CENPF: variants seen among roughly 807,000 people sequenced by gnomAD.
CENPF encodes AH antigen.
In CENPF, 214 loss-of-function variants were observed where a neutral mutation model predicts 307.3. That is an observed-to-expected ratio of 0.70 (90% CI 0.62 to 0.78). The LOEUF (loss-of-function observed/expected upper bound fraction) is 0.78, where lower values mean the gene tolerates loss of function less well. Among genes scored for constraint, CENPF ranks in the 30% least tolerant of loss-of-function variants. CENPF has a pLI of 0.00. For synonymous variants in CENPF, 1,259 were observed against 1,270.6 expected, an observed-to-expected ratio of 0.99 and a Z score of 0.19; for missense variants, 3,401 against 3,483.9, an observed-to-expected ratio of 0.98 and a Z score of 0.60.
intron 10 of CENPF, among the ~76,000 whole-genome samples, chr1:214,633,935 G>T (rs1187206755): frequency 6.6e-6 from 1 of 152,138 alleles, no homozygotes; most frequent in South Asian, 2.1e-4. Context: ...GAACTCTCCC[G>T]CGACTCCACT....
At chr1:214,637,841 T>A in intron 10 of CENPF, 25 bp from the exon 11 acceptor site, 1 of 1,598,714 alleles carries the variant, frequency 6.3e-7, no homozygotes, top group Non-Finnish European at 8.5e-7. Context: ...GTTTTGGCTA[T>A]AACCAATTAA....
At position 214,629,965 on chromosome 1, in the gene CENPF, T is replaced by G. The variant is rs145943603; in HGVS notation, c.1195-569T>G. ...GGTGGAAGGTGCCCTTCCATAAGTA[T>G]CTGCCAATTTGGTTCTTTCAGGTGA... On this transcript the variant is annotated intron_variant, in intron 8 of 19. Transcript: ENST00000366955. 2.9e-3 allele frequency among the ~76,000 whole-genome samples: 435 copies of G among 152,306 alleles called. 7 individuals are homozygous for G. The highest frequency in any genetic ancestry group is 0.015 in the Admixed American group (234 of 15,302).
chr1:214,646,226 T>TA lies in CENPF; in HGVS notation c.6657dup (p.Gln2220ThrfsTer18), dbSNP rs1165829747. 1.2e-6 allele frequency: 2 copies of TA among 1,613,052 alleles called. No homozygotes were observed. The highest frequency in any genetic ancestry group is 1.7e-6 in the Non-Finnish European group (2 of 1,179,858). The stretch of plus-strand genomic sequence containing the variant: ...GAAAAAGAAAATCTGACAAAACAAA[T>TA]ACAAGAAAAACAAGGTCAGTTGTCA... On this transcript the variant is annotated frameshift_variant, in exon 13 of 20. Transcript: ENST00000366955. LOFTEE classifies it high-confidence loss of function.
chr1:214,612,023 T>C (rs1228188077), intron 1 of CENPF, among the ~76,000 whole-genome samples: 3 of 152,182 alleles, frequency 2.0e-5, no homozygotes, highest in African/African-American at 7.2e-5. Context: ...GTATGTTGAA[T>C]AGGAGTAGTG....
At position 214,642,781 on chromosome 1, in the gene CENPF, G is replaced by A. The variant is rs748760710; in HGVS notation, c.4443G>A (p.Val1481=). 2 of 1,613,954 alleles carry A rather than the reference G, an allele frequency of 1.2e-6. No individual in the cohort carries two copies. The highest frequency in any genetic ancestry group is 1.7e-6 in the Non-Finnish European group (2 of 1,179,944). ...TTCCATCCCTGTCATCCTCTTGTGT[G>A]CCTGACAGCTCTAGTCTTAGCAGTT... ...GLVPSLSSSC[V]PDSSSLSSLG... is the part of the protein sequence containing the mutation. The change falls in exon 12 of 20, where the codon GTG becomes GTA. Residue 1481 remains valine, a synonymous_variant. Transcript: ENST00000366955.
In CENPF at chr1:214,652,897, C is replaced by G; in HGVS notation, c.8230C>G (p.Leu2744Val). 1 of 1,607,846 alleles carries G rather than the reference C, an allele frequency of 6.2e-7. No individual in the cohort carries two copies. Among genetic ancestry groups the G allele is most frequent in the Non-Finnish European group, 8.5e-7 (1 of 1,177,292 alleles). The change falls in exon 16 of 20, where the codon CTG (leucine) becomes GTG (valine). Residue 2744 changes from leucine to valine, a missense_variant. Transcript: ENST00000366955. ...AGAAGAATGTCTCAGTTCACAGAAG[C>G]TGGAGATAGACCTTTTAAAGTCTAG... is the stretch of plus-strand genomic sequence containing the variant. ...SKEECLSSQK[L>V]EIDLLKSSKE...
chr1:214,655,825 A>T (rs529476090), intron 17 of CENPF, among the ~76,000 whole-genome samples: 2 of 152,202 alleles, frequency 1.3e-5, no homozygotes, highest in Admixed American at 1.3e-4. Context: ...TTGTGGGCTC[A>T]AGCAATCTGC....
chr1:214,619,177 A>G lies in CENPF; in HGVS notation c.530A>G (p.Glu177Gly), dbSNP rs1558172183. 1.3e-6 allele frequency: 2 copies of G among 1,588,958 alleles called. No individual in the cohort carries two copies. The highest frequency in any genetic ancestry group is 3.4e-4 in the Middle Eastern group (2 of 5,956). The change falls in exon 5 of 20, where the codon GAA (glutamate) becomes GGA (glycine). Residue 177 changes from glutamate (E) to glycine (G), a missense_variant. Coordinates refer to ENST00000366955, the MANE Select transcript of CENPF (RefSeq NM_016343.4). ...LKEKYNKEVE[E>G]RKRLEAEVKA... ...GAAAAATATAATAAAGAGGTTGAAGAACGAAAAAGATTAGAGGCAGAGGTT... is the reference window on the plus strand; with the variant it reads ...GAAAAATATAATAAAGAGGTTGAAGGACGAAAAAGATTAGAGGCAGAGGTT...
Position 214,640,893 on chromosome 1 carries a change from A to C in CENPF, c.2555A>C (p.Gln852Pro). Residue 852 changes from glutamine to proline, a missense_variant, in exon 12 of 20, where the codon CAG (glutamine) becomes CCG (proline). Transcript: ENST00000366955. ...QKQMNSDLQK[Q>P]CEELVQIKGE... The stretch of plus-strand genomic sequence containing the variant: ...CAGATGAACTCAGACCTGCAAAAGC[A>C]GTGTGAAGAGTTGGTGCAAATCAAA... The C allele has an allele frequency of 6.2e-7, 1 of 1,605,418 alleles. No individual in the cohort carries two copies. The highest frequency in any genetic ancestry group is 1.1e-5 in the South Asian group (1 of 88,718).
rs1419126337 is a variant in CENPF, at chr1:214,651,898, G to A, written c.8160+12G>A. 1 of 1,585,616 alleles carries A rather than the reference G, an allele frequency of 6.3e-7. No homozygotes were observed. The highest frequency in any genetic ancestry group is 8.5e-7 in the Non-Finnish European group (1 of 1,170,332). Reference sequence around the variant, plus strand: ...ACACAAACAAACAGGTGAAATGTGGGGTTTGGTTACTGGGGGAGCTGGAGA... The same window carrying A: ...ACACAAACAAACAGGTGAAATGTGGAGTTTGGTTACTGGGGGAGCTGGAGA... On this transcript the variant is annotated intron_variant, in intron 15 of 19. Coordinates refer to ENST00000366955, the MANE Select transcript of CENPF (RefSeq NM_016343.4).
chr1:214,643,347 C>T (rs902720404), intron 12 of CENPF, 23 bp downstream of exon 12: 1 of 1,448,958 alleles, frequency 6.9e-7, no homozygotes. Context: ...GATTTAAATG[C>T]CATTTCTCGG....
Position 214,655,694 on chromosome 1 carries a change from G to A in CENPF, c.8485+291G>A, listed in dbSNP as rs28477192. On this transcript the variant is annotated intron_variant, in intron 17 of 19. Transcript: ENST00000366955. Reference sequence around the variant, plus strand: ...CTCATTGCAGCCTCGACCTCAAAGCGATCCTCCCACCTCAGCCTCCCGAGT... The same window carrying A: ...CTCATTGCAGCCTCGACCTCAAAGCAATCCTCCCACCTCAGCCTCCCGAGT... 4.7e-3 allele frequency among the ~76,000 whole-genome samples: 716 copies of A among 152,096 alleles called. 8 individuals are homozygous for A. Among genetic ancestry groups the A allele is most frequent in the African/African-American group, 0.016 (662 of 41,490 alleles).
At chr1:214,607,638 G>A (rs889080114) in intron 1 of CENPF, among the ~76,000 whole-genome samples, 1 of 152,202 alleles carries the variant, frequency 6.6e-6, no homozygotes, top group African/African-American at 2.4e-5. Flanking sequence ...GGACGAGACA[G>A]CCCCAGTGGA....
At chr1:214,657,478 A>C in intron 18 of CENPF, 69 bp downstream of exon 18, 1 of 1,167,618 alleles carries the variant, frequency 8.6e-7, no homozygotes, top group South Asian at 1.4e-5. Context: ...CACATATAAA[A>C]AGACAAAAGT....
Position 214,614,902 on chromosome 1 carries a change from G to C in CENPF, c.233G>C (p.Ser78Thr). ...ENQRLMEICE[S>T]LEKTKQKISH... The stretch of plus-strand genomic sequence containing the variant: ...CAAAGATTGATGGAAATATGTGAAA[G>C]TCTGGAGAAAACTAAGCAGAAGATT... Residue 78 changes from serine (S) to threonine (T), a missense_variant, in exon 3 of 20, where the codon AGT becomes ACT. Ser to Thr is a moderately conservative substitution (Grantham distance 58). Coordinates refer to ENST00000366955, the MANE Select transcript of CENPF (RefSeq NM_016343.4). The C allele has an allele frequency of 6.2e-7, 1 of 1,610,172 alleles. No homozygotes were observed. Among genetic ancestry groups the C allele is most frequent in the Non-Finnish European group, 8.5e-7 (1 of 1,178,408 alleles).
rs759216202 is a variant in CENPF at position 214,622,155 on chromosome 1, G to A, written c.942G>A (p.Lys314=). 1.2e-6 allele frequency: 2 copies of A among 1,613,900 alleles called. No homozygotes were observed. The highest frequency in any genetic ancestry group is 1.7e-6 in the Non-Finnish European group (2 of 1,179,976). The change falls in exon 7 of 20, where the codon AAG becomes AAA. Residue 314 remains lysine, a synonymous_variant. Coordinates refer to ENST00000366955, the MANE Select transcript of CENPF (RefSeq NM_016343.4). Reference sequence around the variant, plus strand: ...AAGAAATGAAAGGCCAAGTGAATAAGTTTCAAGAACTCCAACTCCAACTGG... The same window carrying A: ...AAGAAATGAAAGGCCAAGTGAATAAATTTCAAGAACTCCAACTCCAACTGG... ...HEKEMKGQVN[K]FQELQLQLEK...
chr1:214,657,313 A>T lies in CENPF; in HGVS notation c.8866A>T (p.Lys2956Ter). 6.2e-7 allele frequency: 1 copy of T among 1,614,062 alleles called. No homozygotes were observed. The highest frequency in any genetic ancestry group is 8.5e-7 in the Non-Finnish European group (1 of 1,180,022). Residue 2956 changes from lysine (K) to a stop codon, truncating the protein, a stop_gained, in exon 18 of 20, where the codon AAA becomes TAA. Transcript: ENST00000366955. LOFTEE classifies it high-confidence loss of function. ...TGCTACCCCAGAGAGCTTTTCTAAAAAAAGCAAGAAAGCAGTCATGAGTGG... is the reference window on the plus strand; with the variant it reads ...TGCTACCCCAGAGAGCTTTTCTAAATAAAGCAAGAAAGCAGTCATGAGTGG... Reference protein sequence around the residue: ...TPATPESFSKKSKKAVMSGIH... With the variant: ...TPATPESFSK
intron 18 of CENPF, 36 bp from the exon 19 acceptor site, chr1:214,658,814 C>T (rs778972430): frequency 1.9e-6 from 3 of 1,600,196 alleles, no homozygotes; most frequent in East Asian, 4.5e-5. Context: ...TAGAATTGGA[C>T]CTAGCAGTGC....
chr1:214,620,409 C>A (rs1278010303), intron 5 of CENPF, among the ~76,000 whole-genome samples: 2 of 152,144 alleles, frequency 1.3e-5, no homozygotes, highest in Non-Finnish European at 2.9e-5. Flanking sequence ...TAAGACTTAG[C>A]CTATTTTGAA....
Sources: allele counts gnomAD v4.1 joint callset (sites outside exome capture counted in the v4.1 genomes callset), GRCh38; gene constraint gnomAD v4.1.1; transcripts MANE v1.5; gene names NCBI Gene and HGNC (gene_info 2026-07-23, HGNC 2026-07-21).